Variants in C1orf87 observed in about 807,000 individuals in gnomAD.
C1orf87 encodes uncharacterized protein C1orf87.
In C1orf87, 58 loss-of-function variants were observed where a neutral mutation model predicts 60.5. The observed-to-expected ratio is 0.96, with a 90% CI of 0.78 to 1.19. The LOEUF (loss-of-function observed/expected upper bound fraction) is 1.19, where lower values mean the gene tolerates loss of function less well. Ranked by LOEUF, C1orf87 falls within the 50% of genes most tolerant of loss-of-function variation. C1orf87 has a pLI of 0.00. For missense variants in C1orf87, 673 were observed against 638.6 expected (o/e 1.05, Z -0.58); for synonymous variants, 236 against 227.4 (o/e 1.04, Z -0.34).
intron 3 of C1orf87, among the ~76,000 whole-genome samples, chr1:60,051,685 A>C (rs1645415466): frequency 6.6e-6 from 1 of 152,206 alleles, no homozygotes; most frequent in Non-Finnish European, 1.5e-5. Context: ...TGACCAATAC[A>C]GAGAGAGAGC....
chr1:60,055,281 G>A lies in C1orf87; in HGVS notation c.265C>T (p.Pro89Ser), dbSNP rs1422921528. The A allele has an allele frequency of 4.3e-6, 7 of 1,613,990 alleles. No individual in the cohort carries two copies. Among genetic ancestry groups the A allele is most frequent in the Non-Finnish European group, 5.1e-6 (6 of 1,179,986 alleles). ...NPDDVKEKKH[P>S]ENNQKSENNQ... ...TTTTCTGATTTCTGGTTGTTCTCTG[G>A]GTGCTTTTTCTCTTTCACATCATCT... Residue 89 changes from proline to serine, a missense_variant, in exon 3 of 12, where the codon CCA becomes TCA. Pro to Ser is a moderately conservative substitution (Grantham distance 74). Coordinates refer to ENST00000371201, the MANE Select transcript of C1orf87 (RefSeq NM_152377.3).
chr1:60,005,804 C>CTTTT (rs36114324), intron 9 of C1orf87, among the ~76,000 whole-genome samples: 2 of 132,132 alleles, frequency 1.5e-5, no homozygotes, highest in African/African-American at 2.8e-5. Flanking sequence ...TCTCAGCATT[C>CTTTT]TTTTTTTTTT....
chr1:60,057,943 A>G (rs1645468761), intron 2 of C1orf87, among the ~76,000 whole-genome samples: 1 of 152,216 alleles, frequency 6.6e-6, no homozygotes, highest in African/African-American at 2.4e-5. Context: ...TAGTCCTCAC[A>G]GACATGCAGA....
chr1:60,037,955 C>G, intron 6 of C1orf87, 37 bp downstream of exon 6: 1 of 1,436,256 alleles, frequency 7.0e-7, no homozygotes, highest in Non-Finnish European at 9.8e-7. Flanking sequence ...ACTAAGACAC[C>G]TAGGAACAAT....
intron 7 of C1orf87, 70 bp from the exon 8 acceptor site, chr1:60,025,568 A>C (rs919271448): frequency 5.0e-6 from 6 of 1,199,354 alleles, no homozygotes; most frequent in African/African-American, 1.6e-5. Context: ...ATAGAATACA[A>C]TTAATATTTG....
At chr1:60,054,385 T>G (rs1322485482) in intron 3 of C1orf87, among the ~76,000 whole-genome samples, 1 of 152,230 alleles carries the variant, frequency 6.6e-6, no homozygotes, top group Non-Finnish European at 1.5e-5. Flanking sequence ...GCATTCATTT[T>G]CTCATATGAC....
At chr1:60,062,308 C>A (rs543999916) in intron 2 of C1orf87, among the ~76,000 whole-genome samples, 42 of 152,134 alleles carry the variant, frequency 2.8e-4, no homozygotes, top group Admixed American at 2.4e-3. Context: ...CTATTGGGAC[C>A]CAGACACAAC....
intron 9 of C1orf87, among the ~76,000 whole-genome samples, chr1:60,005,309 C>T (rs924568720): frequency 1.3e-5 from 2 of 152,004 alleles, no homozygotes; most frequent in African/African-American, 4.8e-5. Flanking sequence ...ATTCATGTAA[C>T]AAACATTTAA....
At chr1:60,046,443 C>CTTTTTTTTTTTT (rs36104052) in intron 3 of C1orf87, among the ~76,000 whole-genome samples, 1 of 106,980 alleles carries the variant, frequency 9.3e-6, no homozygotes, top group Non-Finnish European at 1.8e-5. Context: ...CCTTCTTCTT[C>CTTTTTTTTTTTT]TTTTTTTTTT....
chr1:59,995,392 T>C lies in C1orf87; in HGVS notation c.1480+2217A>G, dbSNP rs147141799. On this transcript the variant is annotated intron_variant, in intron 11 of 11. Transcript: ENST00000371201. ...ATCCATCTCAGCTTTCATTATGCCT[T>C]CCTCCGCATGTACATTTGGATACTG... is the stretch of plus-strand genomic sequence containing the variant. Among the ~76,000 whole-genome samples, 9 of 152,328 alleles carry C rather than the reference T, an allele frequency of 5.9e-5. No homozygotes were observed. In the East Asian group the frequency reaches 1.5e-3, roughly 26 times the overall value.
At chr1:60,002,430 C>T (rs1477375519) in intron 9 of C1orf87, among the ~76,000 whole-genome samples, 1 of 152,118 alleles carries the variant, frequency 6.6e-6, no homozygotes, top group South Asian at 2.1e-4. Context: ...TAAATGTCTT[C>T]TTTTGAGAAG....
chr1:60,054,170 G>T (rs977738124), intron 3 of C1orf87, among the ~76,000 whole-genome samples: 4 of 152,160 alleles, frequency 2.6e-5, no homozygotes, highest in Non-Finnish European at 5.9e-5. Context: ...TAAATTCAAG[G>T]ATTCAGCCAA....
At chr1:59,994,611 A>G (rs1398738013) in intron 11 of C1orf87, among the ~76,000 whole-genome samples, 5 of 152,058 alleles carry the variant, frequency 3.3e-5, no homozygotes, top group African/African-American at 1.2e-4. Context: ...TCACCCAGAC[A>G]TTTATCTTAA....
At chr1:60,029,969 C>G (rs558572421) in intron 7 of C1orf87, among the ~76,000 whole-genome samples, 1 of 152,090 alleles carries the variant, frequency 6.6e-6, no homozygotes, top group Non-Finnish European at 1.5e-5. Flanking sequence ...GCCAAACTTG[C>G]CTGTCCTCTA....
chr1:60,057,726 A>G (rs1437878015), intron 2 of C1orf87, among the ~76,000 whole-genome samples: 1 of 152,208 alleles, frequency 6.6e-6, no homozygotes, highest in Non-Finnish European at 1.5e-5. Flanking sequence ...ATAACAAGGT[A>G]TGGTTACCTT....
chr1:60,050,040 A>G lies in C1orf87; in HGVS notation c.342+5164T>C, dbSNP rs377682095. Among the ~76,000 whole-genome samples, 43 of 152,200 alleles carry G rather than the reference A, an allele frequency of 2.8e-4. No homozygotes were observed. The East Asian group carries it at 6.0e-3, about 21-fold the overall frequency. On this transcript the variant is annotated intron_variant, in intron 3 of 11. Transcript: ENST00000371201. The stretch of plus-strand genomic sequence containing the variant: ...TTTTAATATCTGGTAATGGTATCTT[A>G]CCCATTATTCATAGTGCTGCTCTCC...
intron 2 of C1orf87, among the ~76,000 whole-genome samples, chr1:60,071,882 A>G (rs1645586506): frequency 6.6e-6 from 1 of 152,232 alleles, no homozygotes; most frequent in Non-Finnish European, 1.5e-5. Flanking sequence ...GCTATTACTT[A>G]TGGAACGCCT....
chr1:60,061,549 A>T (rs554417546), intron 2 of C1orf87, among the ~76,000 whole-genome samples: 1 of 152,110 alleles, frequency 6.6e-6, no homozygotes, highest in East Asian at 1.9e-4. Context: ...CATTAATTTC[A>T]ATGTTGCTGC....
In C1orf87 at chr1:60,055,308, G is replaced by T; in HGVS notation, c.238C>A (p.Pro80Thr). 1.2e-5 allele frequency: 20 copies of T among 1,614,050 alleles called. No individual in the cohort carries two copies. Among genetic ancestry groups the T allele is most frequent in the Non-Finnish European group, 1.7e-5 (20 of 1,179,982 alleles). ...NFTDQQTTDN[P>T]DDVKEKKHPE... ...TGCTTTTTCTCTTTCACATCATCTG[G>T]ATTATCAGTGGTTTGCTGATCAGTG... The change falls in exon 3 of 12, where the codon CCA (proline) becomes ACA (threonine). Residue 80 changes from proline to threonine, a missense_variant. Transcript: ENST00000371201.
Sources: gnomAD v4.1 joint callset for allele counts (sites outside exome capture counted in the v4.1 genomes callset) on GRCh38, gnomAD v4.1.1 for gene constraint, MANE v1.5 for transcripts, NCBI Gene and HGNC (gene_info 2026-07-23, HGNC 2026-07-21) for gene names.